Variants in CHERP observed in about 807,000 individuals in gnomAD.
The protein encoded by CHERP is calcium homeostasis endoplasmic reticulum protein.
CHERP carries 8 observed loss-of-function variants against 113.8 expected under a neutral mutation model. The ratio of observed to expected loss-of-function variants is 0.07; its 90% CI spans 0.04 to 0.13. The LOEUF (loss-of-function observed/expected upper bound fraction) is 0.13, where lower values mean the gene tolerates loss of function less well. Ranked by LOEUF, CHERP falls within the 10% of genes least tolerant of loss-of-function variation. The pLI, the probability that CHERP is intolerant of heterozygous loss-of-function variation, is 1.00. For missense variants in CHERP, 884 were observed against 1,298.2 expected (o/e 0.68, Z 4.90); for synonymous variants, 559 against 524.5 (o/e 1.07, Z -0.90).
rs971492479 is a variant in CHERP, at chr19:16,520,463, G to A, written c.2246C>T (p.Ser749Phe). 1.9e-6 allele frequency: 3 copies of A among 1,613,982 alleles called. No individual in the cohort carries two copies. The highest frequency in any genetic ancestry group is 2.7e-5 in the African/African-American group (2 of 74,930). ...GGATCTTGAGTTGGAGCGGGAGGAA[G>A]AACGCCCTCGACTCTTGGATCTGCT... Reference protein sequence around the residue: ...SRSRSKSRGRSSSRSNSRSSK... With the variant: ...SRSRSKSRGRFSSRSNSRSSK... Residue 749 changes from serine to phenylalanine, a missense_variant, in exon 14 of 17, where the codon TCT (serine) becomes TTT (phenylalanine). Physicochemically the swap from Ser to Phe is radical, Grantham distance 155. Around this residue, in one of 8 missense-constraint regions of CHERP, gnomAD observed 159 missense variants for 185.8 expected, o/e 0.86. Coordinates refer to ENST00000546361, the MANE Select transcript of CHERP (RefSeq NM_006387.6). This position sits in a 1 kb window ranked among gnomAD's most constrained non-coding sequence, Gnocchi z 4.0.
At chr19:16,531,034 G>T in intron 5 of CHERP, 154 bp from the exon 6 acceptor site, 2 of 1,273,686 alleles carry the variant, frequency 1.6e-6, no homozygotes, top group African/African-American at 1.5e-5. Context: ...CACGAGACCT[G>T]TGCTGGTGCC....
At chr19:16,534,311 G>C (rs1366143920) in intron 3 of CHERP, among the ~76,000 whole-genome samples, 1 of 151,976 alleles carries the variant, frequency 6.6e-6, no homozygotes, top group Non-Finnish European at 1.5e-5. Flanking sequence ...TGGCCTCCCA[G>C]AGTGCTGGGA....
chr19:16,519,358 A>G lies in CHERP; in HGVS notation c.2558-6T>C, dbSNP rs1277401614. 6.2e-7 allele frequency: 1 copy of G among 1,608,910 alleles called. No homozygotes were observed. The highest frequency in any genetic ancestry group is 1.1e-5 in the South Asian group (1 of 90,750). ...GCCGCCTGAGCCGCTCCAGCCTGGA[A>G]ACAGAGACGCAGTCACAACCACAAC... On this transcript the variant is annotated splice_polypyrimidine_tract_variant and splice_region_variant and intron_variant, in intron 16 of 16. Coordinates refer to ENST00000546361, the MANE Select transcript of CHERP (RefSeq NM_006387.6). The surrounding 1 kb of genome is among the most constrained non-coding windows in gnomAD (Gnocchi z 6.0).
At chr19:16,528,419 C>G (rs1294349516) in intron 8 of CHERP, among the ~76,000 whole-genome samples, 164 bp from the exon 9 acceptor site, 3 of 152,210 alleles carry the variant, frequency 2.0e-5, no homozygotes, top group African/African-American at 7.2e-5. Flanking sequence ...AGGAAGGGGA[C>G]AGGGCGAGGG....
intron 2 of CHERP, among the ~76,000 whole-genome samples, chr19:16,539,004 C>T (rs150078754): frequency 3.7e-4 from 56 of 152,140 alleles, no homozygotes; most frequent in Non-Finnish European, 6.6e-4. Context: ...CTCACCTAAA[C>T]AACTGCCCTG....
At chr19:16,533,242 TG>T (rs2085719304) in intron 3 of CHERP, 94 bp from the exon 4 acceptor site, 1 of 1,271,990 alleles carries the variant, frequency 7.9e-7, no homozygotes, top group Non-Finnish European at 1.1e-6. Flanking sequence ...GGTGGGGACA[TG>T]GTGGCGATGC....
At chr19:16,540,067 T>TTTGTTG (rs942235790) in intron 2 of CHERP, 1 of 152,056 alleles carries the variant, frequency 6.6e-6, no homozygotes, top group Non-Finnish European at 1.5e-5. Flanking sequence ...CTTTCAAGTT[T>TTTGTTG]TTGTTGTTGT....
At chr19:16,522,769 G>C (rs554588702) in intron 11 of CHERP, among the ~76,000 whole-genome samples, 2 of 152,192 alleles carry the variant, frequency 1.3e-5, no homozygotes, top group African/African-American at 4.8e-5. Flanking sequence ...CAAGAAGGAC[G>C]AAGAGAGGAC....
Position 16,523,681 on chromosome 19 carries a change from A to G in CHERP, c.1742-391T>C, listed in dbSNP as rs1459701504. On this transcript the variant is annotated intron_variant, in intron 10 of 16. Transcript: ENST00000546361. This position sits in a 1 kb window ranked among gnomAD's most constrained non-coding sequence, Gnocchi z 4.0. ...TTAAAATGAAGCCATAGTGGCCCGA[A>G]TCCAACGTGACTGTTGCCGTTATAA... 6.6e-6 allele frequency among the ~76,000 whole-genome samples: 1 copy of G among 152,140 alleles called. No homozygotes were observed. Among genetic ancestry groups the G allele is most frequent in the Non-Finnish European group, 1.5e-5 (1 of 68,020 alleles).
rs905545882 is a variant in CHERP, at chr19:16,520,245, G to A, written c.2366C>T (p.Ser789Phe). 2 of 1,613,438 alleles carry A rather than the reference G, an allele frequency of 1.2e-6. No homozygotes were observed. The highest frequency in any genetic ancestry group is 1.7e-6 in the Non-Finnish European group (2 of 1,180,010). Residue 789 changes from serine (S) to phenylalanine (F), a missense_variant, in exon 15 of 17, where the codon TCC (serine) becomes TTC (phenylalanine). Physicochemically the swap from Ser to Phe is radical, Grantham distance 155. Transcript: ENST00000546361. This position sits in a 1 kb window ranked among gnomAD's most constrained non-coding sequence, Gnocchi z 4.0. ...CTGGGACCGGGAGCGGCTTCTGGAGGAGCGCGACCTGCTCCGACTTCTGCA... is the reference window on the plus strand; with the variant it reads ...CTGGGACCGGGAGCGGCTTCTGGAGAAGCGCGACCTGCTCCGACTTCTGCA... ...SRSRSRSRSR[S>F]SRSRSRSQSR...
rs2085647955 is a variant in CHERP at position 16,525,081 on chromosome 19, T to C, written c.1741+161A>G. On this transcript the variant is annotated intron_variant, in intron 10 of 16. Coordinates refer to ENST00000546361, the MANE Select transcript of CHERP (RefSeq NM_006387.6). The surrounding 1 kb of genome is among the most constrained non-coding windows in gnomAD (Gnocchi z 6.5). Reference sequence around the variant, plus strand: ...GGCAAAACTGAGTCTGTGCCCCCACTTCCTGAGAACCCAGGCCGGGCTCCT... The same window carrying C: ...GGCAAAACTGAGTCTGTGCCCCCACCTCCTGAGAACCCAGGCCGGGCTCCT... Among the ~76,000 whole-genome samples the C allele has an allele frequency of 6.6e-6, 1 of 152,142 alleles. No homozygotes were observed. Among genetic ancestry groups the C allele is most frequent in the South Asian group, 2.1e-4 (1 of 4,834 alleles).
rs1331715130 is a variant in CHERP at position 16,525,917 on chromosome 19, G to A, written c.1306-240C>T. Among the ~76,000 whole-genome samples the A allele has an allele frequency of 6.6e-6, 1 of 152,164 alleles. No individual in the cohort carries two copies. Among genetic ancestry groups the A allele is most frequent in the East Asian group, 1.9e-4 (1 of 5,198 alleles). On this transcript the variant is annotated intron_variant, in intron 9 of 16. Transcript: ENST00000546361. This position sits in a 1 kb window ranked among gnomAD's most constrained non-coding sequence, Gnocchi z 6.5. ...GCTGCACCCGCATCTCAGTCCCGGG[G>A]CTGTTTCTGCCGCTGGGGCGCGCTG...
Position 16,519,885 on chromosome 19 carries a change from G to T in CHERP, c.2463-170C>A. On this transcript the variant is annotated intron_variant, in intron 15 of 16. Coordinates refer to ENST00000546361, the MANE Select transcript of CHERP (RefSeq NM_006387.6). This position sits in a 1 kb window ranked among gnomAD's most constrained non-coding sequence, Gnocchi z 6.0. ...TTATCCTGTCTCAGCTAGATAAGGG[G>T]GCTCCAGACGCTGGCCCCCACCCCA... 1 of 686,224 alleles carries T rather than the reference G, an allele frequency of 1.5e-6. No homozygotes were observed. 42.5% of individuals were successfully genotyped at this position (686,224 alleles called of 1,614,324 possible).
chr19:16,528,138 G>T lies in CHERP; in HGVS notation c.1247C>A (p.Pro416Gln). 6.2e-7 allele frequency: 1 copy of T among 1,613,776 alleles called. No homozygotes were observed. Among genetic ancestry groups the T allele is most frequent in the Non-Finnish European group, 8.5e-7 (1 of 1,179,954 alleles). The stretch of plus-strand genomic sequence containing the variant: ...CTGGTCAAACCAAGGGGGCTTGTTT[G>T]GTGGGATCTGGTCGTGTGGCCCGGG... ...RGPGPHDQIP[P>Q]NKPPWFDQPH... Residue 416 changes from proline to glutamine, a missense_variant, in exon 9 of 17, where the codon CCA becomes CAA. Transcript: ENST00000546361.
chr19:16,539,336 A>G (rs1280078559), intron 2 of CHERP, among the ~76,000 whole-genome samples: 4 of 151,452 alleles, frequency 2.6e-5, no homozygotes. Context: ...TTTAGTAGAG[A>G]CGGGGTTTCA....
In CHERP at chr19:16,519,219, G is replaced by A. The variant is rs759185951; in HGVS notation, c.2691C>T (p.Tyr897=). 1.1e-5 allele frequency: 17 copies of A among 1,614,054 alleles called. No homozygotes were observed. The highest frequency in any genetic ancestry group is 1.4e-5 in the Non-Finnish European group (17 of 1,180,026). The change falls in exon 17 of 17, where the codon TAC becomes TAT. Residue 897 remains tyrosine (Y), a synonymous_variant. Transcript: ENST00000546361. The surrounding 1 kb of genome is among the most constrained non-coding windows in gnomAD (Gnocchi z 6.0). The part of the protein sequence containing the change: ...GVALDDPYEN[Y]RRNKSYSFIA... ...TGAAGGAGTAGCTCTTGTTCCTGCG[G>A]TAGTTCTCATAGGGGTCATCCAGAG...
At chr19:16,539,016 TTGCTCCCCTGCAGGCCTCAC>T (rs1230213021) in intron 2 of CHERP, among the ~76,000 whole-genome samples, 1 of 152,044 alleles carries the variant, frequency 6.6e-6, no homozygotes, top group Non-Finnish European at 1.5e-5. Flanking sequence ...ACTGCCCTGT[TTGCTCCCCTGCAGGCCTCAC>T]TGCTCCCCAG....
intron 11 of CHERP, among the ~76,000 whole-genome samples, chr19:16,522,295 C>G (rs1164441055): frequency 6.6e-6 from 1 of 150,734 alleles, no homozygotes; most frequent in South Asian, 2.1e-4. Flanking sequence ...GAGTCCTGCT[C>G]TCGCCCAGGC....
rs1056789687 is a variant in CHERP at position 16,520,666 on chromosome 19, C to G, written c.2202-159G>C. 2 of 1,137,344 alleles carry G rather than the reference C, an allele frequency of 1.8e-6. No individual in the cohort carries two copies. The highest frequency in any genetic ancestry group is 3.1e-5 in the African/African-American group (2 of 65,224). The allele number at this position is 1,137,344 out of a possible 1,614,324, so 70.5% of individuals were successfully genotyped here. ...GTACCAAGTTCCTAAATAGTGTGGC[C>G]GAGCCTGCTGCTGTGTGAATTCAGG... On this transcript the variant is annotated intron_variant, in intron 13 of 16. Transcript: ENST00000546361. The surrounding 1 kb of genome is among the most constrained non-coding windows in gnomAD (Gnocchi z 4.0).
Sources: gnomAD v4.1 joint callset for allele counts (sites outside exome capture counted in the v4.1 genomes callset) on GRCh38, gnomAD v4.1.1 for gene constraint, gnomAD v4.1.1 regional missense constraint, Gnocchi (gnomAD v3.1) non-coding constraint, MANE v1.5 for transcripts, NCBI Gene and HGNC (gene_info 2026-07-23, HGNC 2026-07-21) for gene names.